The following HDAC4 variants were observed in gnomAD, a reference collection of about 807,000 sequenced individuals.
HDAC4 encodes histone deacetylase A.
A neutral mutation model predicts 135.1 loss-of-function variants in HDAC4; 16 were observed. The observed-to-expected ratio is 0.12, with a 90% CI of 0.08 to 0.18. HDAC4 has a LOEUF of 0.18. Ranked by LOEUF, HDAC4 falls within the 10% of genes least tolerant of loss-of-function variation. HDAC4 has a pLI of 1.00. For missense variants in HDAC4, 1,143 were observed against 1,511.8 expected, an observed-to-expected ratio of 0.76 and a Z score of 4.05; for synonymous variants, 685 against 653.4, an observed-to-expected ratio of 1.05 and a Z score of -0.74.
chr2:239,112,424 C>T (rs1456814938), intron 13 of HDAC4, among the ~76,000 whole-genome samples: 3 of 152,230 alleles, frequency 2.0e-5, no homozygotes, highest in Non-Finnish European at 4.4e-5. Context: ...ACATCCCACA[C>T]ACCCTCGTGC....
chr2:239,338,683 C>T (rs1026676331), intron 2 of HDAC4, among the ~76,000 whole-genome samples: 2 of 152,154 alleles, frequency 1.3e-5, no homozygotes, highest in Admixed American at 6.5e-5. Flanking sequence ...ATGAGATTCC[C>T]GTGGATTTTT....
chr2:239,107,016 GCA>G (rs1332871577), intron 15 of HDAC4, among the ~76,000 whole-genome samples: 1 of 149,350 alleles, frequency 6.7e-6, no homozygotes, highest in African/African-American at 2.6e-5. Flanking sequence ...GTGCGACCCT[GCA>G]CAGTGTTGCC....
chr2:239,074,636 T>C (rs1397257472), intron 22 of HDAC4, among the ~76,000 whole-genome samples: 1 of 152,230 alleles, frequency 6.6e-6, no homozygotes, highest in Non-Finnish European at 1.5e-5. Flanking sequence ...ACCCTCTAGG[T>C]TGTGATCCCA....
chr2:239,111,442 A>T, intron 14 of HDAC4, 84 bp downstream of exon 14: 1 of 1,375,996 alleles, frequency 7.3e-7, no homozygotes, highest in Non-Finnish European at 1.0e-6. Flanking sequence ...CAGCCTCTGC[A>T]GAGCTGGGCC....
At chr2:239,124,098 C>T (rs1011058926) in intron 12 of HDAC4, among the ~76,000 whole-genome samples, 10 of 152,162 alleles carry the variant, frequency 6.6e-5, no homozygotes, top group East Asian at 5.8e-4. Context: ...GGTTTCTCCA[C>T]GTTCCCCTCC....
intron 2 of HDAC4, among the ~76,000 whole-genome samples, chr2:239,244,546 A>G (rs1231563373): frequency 6.6e-6 from 1 of 152,206 alleles, no homozygotes; most frequent in Admixed American, 6.5e-5. Flanking sequence ...GACCAGAGGT[A>G]GTAGAATTTT....
rs190126173 is a variant in HDAC4 at position 239,068,435 on chromosome 2, C to A, written c.2869+54G>T. ...AGGGGACCTGACACGCGGAACACAG[C>A]GGATCATGGACATGAGCAGAACCGG... On this transcript the variant is annotated intron_variant, in intron 23 of 26. Coordinates refer to ENST00000543185, the MANE Select transcript of HDAC4 (RefSeq NM_001378414.1). This position sits in a 1 kb window ranked among gnomAD's most constrained non-coding sequence, Gnocchi z 4.4. 1.7e-4 allele frequency: 213 copies of A among 1,268,804 alleles called. No individual in the cohort carries two copies. The highest frequency in any genetic ancestry group is 2.3e-4 in the Non-Finnish European group (202 of 865,626). 78.6% of individuals were successfully genotyped at this position (1,268,804 alleles called of 1,614,324 possible).
At chr2:239,112,866 C>T (rs973683547) in intron 13 of HDAC4, among the ~76,000 whole-genome samples, 6 of 152,166 alleles carry the variant, frequency 3.9e-5, no homozygotes, top group African/African-American at 4.8e-5. Flanking sequence ...AAGGCAGAGC[C>T]CAGCCCTGTG....
intron 7 of HDAC4, among the ~76,000 whole-genome samples, 195 bp from the exon 8 acceptor site, chr2:239,144,909 TA>T (rs1575178823): frequency 6.6e-6 from 1 of 152,254 alleles, no homozygotes; most frequent in Non-Finnish European, 1.5e-5. Context: ...AAATAATGAA[TA>T]AAACGAATCT....
At chr2:239,162,266 C>T in intron 6 of HDAC4, 1 of 455,494 alleles carries the variant, frequency 2.2e-6, no homozygotes, top group Non-Finnish European at 4.4e-6. Flanking sequence ...ACAGGGGGAC[C>T]CAAGGCGGCC....
rs1167292861 is a variant in HDAC4, at chr2:239,303,358, A to T, written c.22+49320T>A. ...TCTGATGCCTGGTTCCTCTGCCATC[A>T]AGACCCGCCGTCTGGTGTGAAGGGA... On this transcript the variant is annotated intron_variant, in intron 2 of 26. Transcript: ENST00000543185. This position sits in a 1 kb window ranked among gnomAD's most constrained non-coding sequence, Gnocchi z 5.1. Among the ~76,000 whole-genome samples the T allele has an allele frequency of 1.3e-5, 2 of 152,152 alleles. No homozygotes were observed. Among genetic ancestry groups the T allele is most frequent in the Admixed American group, 6.5e-5 (1 of 15,274 alleles).
chr2:239,332,845 A>T (rs1251188060), intron 2 of HDAC4, among the ~76,000 whole-genome samples: 1 of 152,076 alleles, frequency 6.6e-6, no homozygotes, highest in Admixed American at 6.5e-5. Context: ...AGGAAAAATG[A>T]GAGAACAAAC....
chr2:239,376,074 C>G (rs1348770056), intron 1 of HDAC4, among the ~76,000 whole-genome samples: 5 of 152,128 alleles, frequency 3.3e-5, no homozygotes, highest in African/African-American at 1.2e-4. Context: ...ACCATCCAAA[C>G]AGCAAGGCAG....
intron 2 of HDAC4, among the ~76,000 whole-genome samples, chr2:239,271,561 C>A (rs983459358): frequency 6.6e-6 from 1 of 152,248 alleles, no homozygotes; most frequent in Admixed American, 6.5e-5. Context: ...GCCGATTCTG[C>A]CGGCATCCTC....
rs1491342004 is a variant in HDAC4, at chr2:239,084,459, G to GCACACACA, written c.2445-218_2445-217insTGTGTGTG. ...CACATGCAGACACACTCACACGCGT[G>GCACACACA]CGCGCGCACACACACACACACACAC... On this transcript the variant is annotated intron_variant, in intron 19 of 26. Coordinates refer to ENST00000543185, the MANE Select transcript of HDAC4 (RefSeq NM_001378414.1). 3.1e-3 allele frequency among the ~76,000 whole-genome samples: 225 copies of GCACACACA among 73,168 alleles called. 2 individuals are homozygous for GCACACACA. The highest frequency in any genetic ancestry group is 9.0e-3 in the African/African-American group (217 of 24,178). 48.0% of individuals were successfully genotyped at this position (73,168 alleles called of 152,430 possible).
At chr2:239,278,391 T>C (rs1337577205) in intron 2 of HDAC4, among the ~76,000 whole-genome samples, 1 of 152,206 alleles carries the variant, frequency 6.6e-6, no homozygotes, top group African/African-American at 2.4e-5. Context: ...AAAAACATAT[T>C]TTGGGCCAGG....
intron 5 of HDAC4, among the ~76,000 whole-genome samples, chr2:239,164,309 T>C (rs912050403): frequency 2.6e-5 from 4 of 152,226 alleles, no homozygotes; most frequent in Non-Finnish European, 4.4e-5. Flanking sequence ...GAAGGCTTTG[T>C]GCAAATGGAT....
intron 3 of HDAC4, among the ~76,000 whole-genome samples, chr2:239,230,152 AG>A (rs1418820094): frequency 2.0e-5 from 3 of 151,930 alleles, no homozygotes; most frequent in South Asian, 4.2e-4. Context: ...CGCCAAAAGG[AG>A]GGGGCGTCTA....
chr2:239,246,342 T>G (rs779875546), intron 2 of HDAC4, among the ~76,000 whole-genome samples: 1 of 152,160 alleles, frequency 6.6e-6, no homozygotes, highest in Non-Finnish European at 1.5e-5. Context: ...AAACCATCCA[T>G]GCACCCAGGA....
Sources: allele counts gnomAD v4.1 joint callset (sites outside exome capture counted in the v4.1 genomes callset), GRCh38; gene constraint gnomAD v4.1.1; non-coding constraint Gnocchi (gnomAD v3.1); transcripts MANE v1.5; gene names NCBI Gene and HGNC (gene_info 2026-07-23, HGNC 2026-07-21).